The following SESTD1 variants were observed in gnomAD, a reference collection of about 807,000 sequenced individuals.
SESTD1 encodes the protein SEC14 domain and spectrin repeat-containing protein 1.
SESTD1 carries 43 observed loss-of-function variants against 101.7 expected under a neutral mutation model. The ratio of observed to expected loss-of-function variants is 0.42; its 90% CI spans 0.33 to 0.55. SESTD1 has a LOEUF of 0.55. Ranked by LOEUF, SESTD1 falls within the 20% of genes least tolerant of loss-of-function variation. The probability of loss-of-function intolerance (pLI) is 0.07; values close to 1 mark genes in which losing one functional copy is unlikely to be tolerated. For synonymous variants in SESTD1, 283 were observed against 286.8 expected (o/e 0.99, Z 0.13); for missense variants, 647 against 815.1 (o/e 0.79, Z 2.51).
At chr2:179,234,292 G>A (rs1458390233) in intron 1 of SESTD1, among the ~76,000 whole-genome samples, 1 of 152,096 alleles carries the variant, frequency 6.6e-6, no homozygotes, top group East Asian at 1.9e-4. Flanking sequence ...CAGCCTCCAT[G>A]ATCATGTAAG....
At chr2:179,169,203 C>CA (rs1389723471) in intron 5 of SESTD1, among the ~76,000 whole-genome samples, 1 of 151,742 alleles carries the variant, frequency 6.6e-6, no homozygotes, top group African/African-American at 2.4e-5. Context: ...ATGGTGTCTA[C>CA]AAAAAATTCA....
chr2:179,257,620 A>G (rs1405495326), intron 1 of SESTD1, among the ~76,000 whole-genome samples: 1 of 152,258 alleles, frequency 6.6e-6, no homozygotes, highest in Non-Finnish European at 1.5e-5. Flanking sequence ...TAAAGACACA[A>G]TAAATGAACT....
chr2:179,163,432 T>C (rs1383926328), intron 5 of SESTD1, among the ~76,000 whole-genome samples: 1 of 152,072 alleles, frequency 6.6e-6, no homozygotes, highest in Non-Finnish European at 1.5e-5. Context: ...AAAACATTAC[T>C]AGTTGCGTTC....
chr2:179,116,509 C>G (rs2154393821), intron 15 of SESTD1, 159 bp downstream of exon 15: 1 of 1,092,618 alleles, frequency 9.2e-7, no homozygotes, highest in East Asian at 2.4e-5. Context: ...TTTATGCAGG[C>G]TAGTTTTGAT....
chr2:179,263,224 G>A (rs185236560), intron 1 of SESTD1, among the ~76,000 whole-genome samples: 2 of 152,174 alleles, frequency 1.3e-5, no homozygotes, highest in Admixed American at 1.3e-4. Flanking sequence ...AAAGCTTCCT[G>A]GTCCTAGAAC....
intron 10 of SESTD1, among the ~76,000 whole-genome samples, chr2:179,129,235 GTTTCAGATA>G (rs1208983914): frequency 1.3e-5 from 2 of 152,140 alleles, no homozygotes; most frequent in Non-Finnish European, 2.9e-5. Context: ...TTCTGAAGTA[GTTTCAGATA>G]TTTATGCTCC....
At chr2:179,240,745 T>A (rs1164730078) in intron 1 of SESTD1, among the ~76,000 whole-genome samples, 1 of 152,080 alleles carries the variant, frequency 6.6e-6, no homozygotes. Context: ...TGAAAGTCTG[T>A]AAGGAGGCAT....
intron 1 of SESTD1, among the ~76,000 whole-genome samples, chr2:179,230,113 CTTTTTTT>C (rs71023474): frequency 1.1e-4 from 6 of 56,412 alleles, no homozygotes; most frequent in East Asian, 8.8e-4. Flanking sequence ...GATTGTATCT[CTTTTTTT>C]TTTTTTTTTT....
intron 1 of SESTD1, among the ~76,000 whole-genome samples, chr2:179,261,138 C>T (rs1432281975): frequency 2.0e-5 from 3 of 152,100 alleles, no homozygotes; most frequent in Non-Finnish European, 2.9e-5. Context: ...ACTCTGTTTC[C>T]CCATTGGAAA....
At position 179,214,386 on chromosome 2, in the gene SESTD1, G is replaced by T. The variant is rs757732209; in HGVS notation, c.-25-22520C>A. Among the ~76,000 whole-genome samples the T allele has an allele frequency of 2.8e-4, 38 of 134,058 alleles. 11 individuals carry two copies. Among genetic ancestry groups the T allele is most frequent in the Non-Finnish European group, 5.1e-4 (32 of 62,486 alleles). The allele number at this position is 134,058 out of a possible 152,430, so 87.9% of individuals were successfully genotyped here. A position where few individuals can be genotyped will look rare whatever the true frequency, so the allele number is the denominator to read the frequency against. On this transcript the variant is annotated intron_variant, in intron 1 of 17. Coordinates refer to ENST00000428443, the MANE Select transcript of SESTD1 (RefSeq NM_178123.5). The stretch of plus-strand genomic sequence containing the variant: ...ACAAAGATCAAAACAGACAAAGAAG[G>T]CCACTACGTAATGGTAAAGGAATGG...
At position 179,167,959 on chromosome 2, in the gene SESTD1, C is replaced by A. The variant is rs372293614; in HGVS notation, c.369+4161G>T. Among the ~76,000 whole-genome samples the A allele has an allele frequency of 4.1e-4, 63 of 152,264 alleles. 1 individual carries two copies. The South Asian group carries it at 0.013, about 31-fold the overall frequency. On this transcript the variant is annotated intron_variant, in intron 5 of 17. Transcript: ENST00000428443. ...TGTATTTTTAGTAGACACGGGGTTTCACCATATTGGTCAGACCAGTCTCAA... is the reference window on the plus strand; with the variant it reads ...TGTATTTTTAGTAGACACGGGGTTTAACCATATTGGTCAGACCAGTCTCAA...
chr2:179,201,771 TGTG>T (rs2046518944), intron 1 of SESTD1, among the ~76,000 whole-genome samples: 1 of 113,400 alleles, frequency 8.8e-6, no homozygotes, highest in Non-Finnish European at 1.8e-5. Flanking sequence ...TGGGGACTGT[TGTG>T]GGGTGGGGGT....
At chr2:179,247,881 T>C (rs936141696) in intron 1 of SESTD1, among the ~76,000 whole-genome samples, 3 of 151,918 alleles carry the variant, frequency 2.0e-5, no homozygotes, top group African/African-American at 7.3e-5. Context: ...AAAAAATACA[T>C]TGAACTGAAT....
At position 179,122,086 on chromosome 2, in the gene SESTD1, A is replaced by C. The variant is rs539329123; in HGVS notation, c.1283-157T>G. Among the ~76,000 whole-genome samples, 3 of 152,350 alleles carry C rather than the reference A, an allele frequency of 2.0e-5. No homozygotes were observed. In the East Asian group the frequency reaches 5.8e-4, roughly 29 times the overall value. On this transcript the variant is annotated intron_variant, in intron 12 of 17. Coordinates refer to ENST00000428443, the MANE Select transcript of SESTD1 (RefSeq NM_178123.5). Reference sequence around the variant, plus strand: ...TGGAATCCCAAGACTCCATCCTATGAACATTTCAAGCAATAAAACCCTTTA... The same window carrying C: ...TGGAATCCCAAGACTCCATCCTATGCACATTTCAAGCAATAAAACCCTTTA...
intron 4 of SESTD1, among the ~76,000 whole-genome samples, chr2:179,176,227 T>A (rs1280599264): frequency 6.6e-6 from 1 of 152,170 alleles, no homozygotes; most frequent in Non-Finnish European, 1.5e-5. Context: ...ATTATTTTCA[T>A]TTACAAACCT....
chr2:179,158,871 A>C (rs1310365235), intron 5 of SESTD1, among the ~76,000 whole-genome samples: 1 of 152,216 alleles, frequency 6.6e-6, no homozygotes, highest in South Asian at 2.1e-4. Flanking sequence ...GGGGAAAAGC[A>C]ACAGTTTACA....
At chr2:179,150,292 A>G (rs2045489592) in intron 6 of SESTD1, among the ~76,000 whole-genome samples, 1 of 152,134 alleles carries the variant, frequency 6.6e-6, no homozygotes, top group Admixed American at 6.6e-5. Context: ...TTCTCCAATA[A>G]AATTATTATT....
At chr2:179,152,139 T>A (rs1294699769) in intron 5 of SESTD1, among the ~76,000 whole-genome samples, 1 of 152,186 alleles carries the variant, frequency 6.6e-6, no homozygotes, top group African/African-American at 2.4e-5. Context: ...GAAATGTGAA[T>A]TTATTAAAAA....
chr2:179,160,487 T>G (rs1254248490), intron 5 of SESTD1, among the ~76,000 whole-genome samples: 1 of 151,606 alleles, frequency 6.6e-6, no homozygotes, highest in African/African-American at 2.4e-5. Flanking sequence ...ATTATATTAA[T>G]TTAAAAATTA....
Sources: gnomAD v4.1 joint callset for allele counts (sites outside exome capture counted in the v4.1 genomes callset) on GRCh38, gnomAD v4.1.1 for gene constraint, MANE v1.5 for transcripts, NCBI Gene and HGNC (gene_info 2026-07-23, HGNC 2026-07-21) for gene names.